The following CNIH3 variants were observed in gnomAD, a reference collection of about 807,000 sequenced individuals.
CNIH3 encodes the protein protein cornichon homolog 3.
CNIH3 carries 14 observed loss-of-function variants against 24.1 expected under a neutral mutation model. That is an observed-to-expected ratio of 0.58 (90% CI 0.38 to 0.91). The LOEUF is 0.91. CNIH3 is among the 40% of genes least tolerant of loss of function. CNIH3 has a pLI of 0.00. For synonymous variants in CNIH3, 68 were observed against 73.8 expected (o/e 0.92, Z 0.40); for missense variants, 178 against 196.8 (o/e 0.90, Z 0.57).
intron 1 of CNIH3, among the ~76,000 whole-genome samples, chr1:224,455,707 C>G (rs1675621326): frequency 6.6e-6 from 1 of 152,212 alleles, no homozygotes; most frequent in African/African-American, 2.4e-5. Flanking sequence ...TCTTTCTGTT[C>G]TGTACCCCTT....
intron 1 of CNIH3, among the ~76,000 whole-genome samples, chr1:224,663,606 T>G (rs1685463508): frequency 6.6e-6 from 1 of 151,984 alleles, no homozygotes; most frequent in Non-Finnish European, 1.5e-5. Flanking sequence ...GCCCCAAGAG[T>G]GTCCAAACAA....
chr1:224,659,530 A>G (rs1410866609), intron 1 of CNIH3, among the ~76,000 whole-genome samples: 2 of 152,030 alleles, frequency 1.3e-5, no homozygotes, highest in Non-Finnish European at 1.5e-5. Context: ...CTGATGGGAA[A>G]AGAGTACTTG....
chr1:224,636,328 A>AC (rs1684085714), intron 1 of CNIH3, among the ~76,000 whole-genome samples: 2 of 152,208 alleles, frequency 1.3e-5, no homozygotes, highest in Non-Finnish European at 2.9e-5. Flanking sequence ...ACCTGAAGGG[A>AC]CCTAAGATCA....
chr1:224,533,839 C>T (rs1359832908), intron 2 of CNIH3, among the ~76,000 whole-genome samples: 1 of 152,212 alleles, frequency 6.6e-6, no homozygotes, highest in Non-Finnish European at 1.5e-5. Flanking sequence ...GTCACTTTCA[C>T]AGGTACTGAG....
rs1373391382 is a variant in CNIH3 at position 224,703,691 on chromosome 1, C to T, written c.198+18848C>T. Among the ~76,000 whole-genome samples the T allele has an allele frequency of 6.6e-6, 1 of 151,832 alleles. No homozygotes were observed. The highest frequency in any genetic ancestry group is 1.5e-5 in the Non-Finnish European group (1 of 68,024). On this transcript the variant is annotated intron_variant, in intron 3 of 5. Coordinates refer to ENST00000272133, the MANE Select transcript of CNIH3 (RefSeq NM_152495.2). This position sits in a 1 kb window ranked among gnomAD's most constrained non-coding sequence, Gnocchi z 4.2. ...TGAGCTAAGAATAGAGTTTCCAAAG[C>T]AATTTGTTTCCTAAAAGATAGAAGT...
Position 224,680,498 on chromosome 1 carries a change from A to G in CNIH3, c.82-460A>G, listed in dbSNP as rs1443619172. On this transcript the variant is annotated intron_variant, in intron 1 of 5. Coordinates refer to ENST00000272133, the MANE Select transcript of CNIH3 (RefSeq NM_152495.2). The stretch of plus-strand genomic sequence containing the variant: ...ACATTTGGTTATTTCTATTACTGTC[A>G]ACTCTACTGCCTTGTTTTTCTCTTT... Among the ~76,000 whole-genome samples the G allele has an allele frequency of 2.6e-5, 4 of 152,342 alleles. No individual in the cohort carries two copies. In the East Asian group the frequency reaches 7.7e-4, roughly 29 times the overall value.
chr1:224,457,433 T>C (rs866706965), intron 1 of CNIH3, among the ~76,000 whole-genome samples: 3 of 151,660 alleles, frequency 2.0e-5, no homozygotes, highest in African/African-American at 7.3e-5. Context: ...ATTTCCCATG[T>C]AAAATTTAAC....
At chr1:224,617,651 A>G (rs1216529042) in intron 1 of CNIH3, among the ~76,000 whole-genome samples, 1 of 152,254 alleles carries the variant, frequency 6.6e-6, no homozygotes, top group Non-Finnish European at 1.5e-5. Context: ...AACATTTAAA[A>G]TGTCAGCATC....
chr1:224,617,211 T>A lies in CNIH3; in HGVS notation c.37T>A (p.Ser13Thr). 1 of 1,614,162 alleles carries A rather than the reference T, an allele frequency of 6.2e-7. No homozygotes were observed. The highest frequency in any genetic ancestry group is 1.3e-5 in the African/African-American group (1 of 75,068). Residue 13 changes from serine to threonine, a missense_variant, in exon 1 of 6, where the codon TCT (serine) becomes ACT (threonine). Transcript: ENST00000272133. ...FTFAAFCYML[S>T]LVLCAALIFF... Reference sequence around the variant, plus strand: ...TTTCGCTGCGTTCTGCTACATGCTGTCTCTGGTGCTGTGCGCTGCGCTCAT... The same window carrying A: ...TTTCGCTGCGTTCTGCTACATGCTGACTCTGGTGCTGTGCGCTGCGCTCAT...
At position 224,704,795 on chromosome 1, in the gene CNIH3, T is replaced by A. The variant is rs531837602; in HGVS notation, c.198+19952T>A. Among the ~76,000 whole-genome samples the A allele has an allele frequency of 4.6e-5, 7 of 152,258 alleles. No homozygotes were observed. In the East Asian group the frequency reaches 1.2e-3, roughly 25 times the overall value. ...CTTTATAGTTGTTGTTGTTGCTTTT[T>A]AAATTCAGGATCCAATCAAAAATCA... On this transcript the variant is annotated intron_variant, in intron 3 of 5. Transcript: ENST00000272133. The surrounding 1 kb of genome is among the most constrained non-coding windows in gnomAD (Gnocchi z 4.2).
intron 1 of CNIH3, among the ~76,000 whole-genome samples, chr1:224,660,315 G>A (rs1282059337): frequency 6.6e-6 from 1 of 152,144 alleles, no homozygotes; most frequent in African/African-American, 2.4e-5. Context: ...CACGAGAACA[G>A]TGTGATGGAA....
rs1258351161 is a variant in CNIH3 at position 224,703,634 on chromosome 1, G to GT, written c.198+18793dup. Among the ~76,000 whole-genome samples, 1 of 152,150 alleles carries GT rather than the reference G, an allele frequency of 6.6e-6. No homozygotes were observed. The highest frequency in any genetic ancestry group is 1.5e-5 in the Non-Finnish European group (1 of 68,014). On this transcript the variant is annotated intron_variant, in intron 3 of 5. Transcript: ENST00000272133. This position sits in a 1 kb window ranked among gnomAD's most constrained non-coding sequence, Gnocchi z 4.2. ...TAGCATTGCTGCCTTTACCTGCCTG[G>GT]TTGCCTCTTTCAAGCCTCCCTACCC...
At chr1:224,450,892 A>G (rs115603677) in intron 1 of CNIH3, among the ~76,000 whole-genome samples, 1,682 of 152,328 alleles carry the variant, frequency 0.011, 40 homozygotes, top group African/African-American at 0.038. Flanking sequence ...ACTTTGCCCA[A>G]GGCACACAGT....
chr1:224,520,763 C>T (rs1241018828), intron 1 of CNIH3, among the ~76,000 whole-genome samples: 2 of 152,154 alleles, frequency 1.3e-5, no homozygotes, highest in East Asian at 1.9e-4. Flanking sequence ...CCTGCTTATT[C>T]CTTGCCTGCC....
At chr1:224,555,600 G>A (rs1247424684) in intron 3 of CNIH3, among the ~76,000 whole-genome samples, 5 of 152,138 alleles carry the variant, frequency 3.3e-5, no homozygotes, top group African/African-American at 4.8e-5. Flanking sequence ...CCCACACTTG[G>A]AATTCTTGTG....
At chr1:224,442,013 A>ATTTTTTT (rs1167622615) in intron 1 of CNIH3, among the ~76,000 whole-genome samples, 3 of 119,994 alleles carry the variant, frequency 2.5e-5, no homozygotes, top group African/African-American at 6.4e-5. Context: ...GATTCCCTTA[A>ATTTTTTT]TTTTTTTTTT....
chr1:224,725,287 T>G (rs1688961033), intron 3 of CNIH3, among the ~76,000 whole-genome samples: 1 of 152,204 alleles, frequency 6.6e-6, no homozygotes, highest in South Asian at 2.1e-4. Context: ...GCTTCTTCAC[T>G]TTTGAGAGCA....
intron 1 of CNIH3, among the ~76,000 whole-genome samples, chr1:224,490,605 A>G (rs769035870): frequency 1.3e-5 from 2 of 152,230 alleles, no homozygotes; most frequent in Non-Finnish European, 2.9e-5. Flanking sequence ...CATCATGTAT[A>G]AGAGATGTTA....
At chr1:224,718,636 GGGTGGCTCT>G (rs1688556625) in intron 3 of CNIH3, among the ~76,000 whole-genome samples, 1 of 152,112 alleles carries the variant, frequency 6.6e-6, no homozygotes, top group African/African-American at 2.4e-5. Flanking sequence ...AGGAGGAGAC[GGGTGGCTCT>G]GGTGGGAGGA....
Sources: allele counts gnomAD v4.1 joint callset (sites outside exome capture counted in the v4.1 genomes callset), GRCh38; gene constraint gnomAD v4.1.1; non-coding constraint Gnocchi (gnomAD v3.1); transcripts MANE v1.5; gene names NCBI Gene and HGNC (gene_info 2026-07-23, HGNC 2026-07-21).